The following FHIT variants were observed in gnomAD, a reference collection of about 807,000 sequenced individuals.
The protein encoded by FHIT is bis(5'-adenosyl)-triphosphatase.
A neutral mutation model predicts 17.9 loss-of-function variants in FHIT; 19 were observed. The observed-to-expected ratio is 1.06, with a 90% CI of 0.74 to 1.56. The LOEUF (loss-of-function observed/expected upper bound fraction) is 1.56. Among genes scored for constraint, FHIT ranks in the 40% most tolerant of loss-of-function variants. The probability of loss-of-function intolerance (pLI) is 0.00; values close to 1 mark genes in which losing one functional copy is unlikely to be tolerated. For missense variants in FHIT, 248 were observed against 189.2 expected, an observed-to-expected ratio of 1.31 and a Z score of -1.82; for synonymous variants, 81 against 69.7, an observed-to-expected ratio of 1.16 and a Z score of -0.81.
Position 60,127,304 on chromosome 3 carries a change from C to T in FHIT, c.104-113152G>A, listed in dbSNP as rs568493310. ...TGATTTCCACTTTGATCCCAGCCTA[C>T]GCATTTCTATCTCTGATATCTAAAT... On this transcript the variant is annotated intron_variant, in intron 5 of 9. Coordinates refer to ENST00000492590, the MANE Select transcript of FHIT (RefSeq NM_002012.4). 1.5e-3 allele frequency among the ~76,000 whole-genome samples: 223 copies of T among 152,310 alleles called. 1 individual carries two copies. The highest frequency in any genetic ancestry group is 2.1e-3 in the Non-Finnish European group (140 of 68,038).
rs183585621 is a variant in FHIT at position 61,204,283 on chromosome 3, C to A, written c.-212-3618G>T. Among the ~76,000 whole-genome samples the A allele has an allele frequency of 1.1e-3, 168 of 152,118 alleles. 2 individuals are homozygous for A. Among genetic ancestry groups the A allele is most frequent in the African/African-American group, 3.9e-3 (163 of 41,522 alleles). ...GGAATACGTGAGAGGAATGGGGGGGCTTCTGGAATATGGTAATGATCTGTT... is the reference window on the plus strand; with the variant it reads ...GGAATACGTGAGAGGAATGGGGGGGATTCTGGAATATGGTAATGATCTGTT... On this transcript the variant is annotated intron_variant, in intron 1 of 9. Transcript: ENST00000492590.
chr3:61,186,231 T>A (rs1028446398), intron 2 of FHIT, among the ~76,000 whole-genome samples: 1 of 152,192 alleles, frequency 6.6e-6, no homozygotes, highest in South Asian at 2.1e-4. Context: ...AAAAGCAGCA[T>A]TTATTAATAA....
At chr3:59,809,110 C>T (rs1222657528) in intron 8 of FHIT, among the ~76,000 whole-genome samples, 1 of 152,120 alleles carries the variant, frequency 6.6e-6, no homozygotes, top group East Asian at 1.9e-4. Context: ...AGTTAAGGAA[C>T]ACATACTGGG....
At chr3:61,157,180 G>C (rs968409121) in intron 2 of FHIT, among the ~76,000 whole-genome samples, 2 of 152,062 alleles carry the variant, frequency 1.3e-5, no homozygotes, top group Non-Finnish European at 2.9e-5. Flanking sequence ...TGTTGTAAGG[G>C]ATACATCTAT....
intron 5 of FHIT, among the ~76,000 whole-genome samples, chr3:60,019,538 C>A: frequency 6.6e-6 from 1 of 151,730 alleles, no homozygotes; most frequent in South Asian, 2.1e-4. Context: ...CCTGCCTCAG[C>A]CTCCCAAGTA....
At chr3:60,418,372 G>A (rs1212779657) in intron 5 of FHIT, among the ~76,000 whole-genome samples, 1 of 5,322 alleles carries the variant, frequency 1.9e-4, no homozygotes, top group Admixed American at 4.4e-3. Flanking sequence ...GTATCTGAAT[G>A]TGTGTATATA....
chr3:60,261,156 T>C (rs1163459174), intron 5 of FHIT, among the ~76,000 whole-genome samples: 1 of 151,994 alleles, frequency 6.6e-6, no homozygotes, highest in Non-Finnish European at 1.5e-5. Flanking sequence ...TATTTTGGAA[T>C]AAAAAAAGTA....
intron 3 of FHIT, among the ~76,000 whole-genome samples, chr3:60,947,611 A>G (rs1003767961): frequency 2.0e-5 from 3 of 152,218 alleles, no homozygotes; most frequent in Non-Finnish European, 4.4e-5. Context: ...TAACAAAATT[A>G]TTTTTGAAAA....
chr3:60,258,623 G>A (rs114932364), intron 5 of FHIT, among the ~76,000 whole-genome samples: 3,512 of 152,122 alleles, frequency 0.023, 62 homozygotes, highest in Middle Eastern at 0.082. Context: ...CATGGCTGAG[G>A]CACCTATAAC....
chr3:60,683,764 C>T (rs782025859), intron 4 of FHIT, among the ~76,000 whole-genome samples: 6 of 152,076 alleles, frequency 3.9e-5, no homozygotes, highest in Non-Finnish European at 8.8e-5. Context: ...ACTTACACTT[C>T]AAGAAATTCA....
At position 59,752,442 on chromosome 3, in the gene FHIT, T is replaced by G. The variant is rs149922198; in HGVS notation, c.349-121A>C. The G allele has an allele frequency of 4.7e-4, 288 of 611,982 alleles. 1 individual carries two copies. The highest frequency in any genetic ancestry group is 4.3e-3 in the African/African-American group (233 of 54,062). The allele number at this position is 611,982 out of a possible 1,614,324, so 37.9% of individuals were successfully genotyped here. On this transcript the variant is annotated intron_variant, in intron 8 of 9. Coordinates refer to ENST00000492590, the MANE Select transcript of FHIT (RefSeq NM_002012.4). The stretch of plus-strand genomic sequence containing the variant: ...AAATTAGAGGCCAGTAGGTGTATCT[T>G]TTAATTGTTTCAGTTGCTACAACTT...
chr3:60,852,145 C>A (rs1346683094), intron 3 of FHIT, among the ~76,000 whole-genome samples: 3 of 152,100 alleles, frequency 2.0e-5, no homozygotes, highest in African/African-American at 4.8e-5. Flanking sequence ...AAAAAGCTGA[C>A]CCTCATGCAA....
Position 60,905,211 on chromosome 3 carries a change from A to G in FHIT, c.-110-83200T>C, listed in dbSNP as rs546485305. ...TTCTGCAAACCGAAAACTCTTCTTA[A>G]CAAAAAAGTTGATCCAAAAAAAGTA... On this transcript the variant is annotated intron_variant, in intron 3 of 9. Coordinates refer to ENST00000492590, the MANE Select transcript of FHIT (RefSeq NM_002012.4). 3.8e-3 allele frequency among the ~76,000 whole-genome samples: 573 copies of G among 152,258 alleles called. 5 individuals carry two copies. Among genetic ancestry groups the G allele is most frequent in the African/African-American group, 0.013 (553 of 41,554 alleles).
At chr3:60,880,609 G>A (rs577268046) in intron 3 of FHIT, among the ~76,000 whole-genome samples, 2 of 152,330 alleles carry the variant, frequency 1.3e-5, no homozygotes, top group African/African-American at 4.8e-5. Context: ...GCACATGCCT[G>A]TAATCCCAGC....
intron 8 of FHIT, among the ~76,000 whole-genome samples, chr3:59,867,798 T>C (rs942348363): frequency 3.3e-5 from 5 of 151,998 alleles, no homozygotes; most frequent in African/African-American, 1.2e-4. Flanking sequence ...CAAAATCATC[T>C]CCCCACCTCC....
chr3:60,459,576 AG>A lies in FHIT; in HGVS notation c.103+77283del, dbSNP rs1478592782. On this transcript the variant is annotated intron_variant, in intron 5 of 9. Transcript: ENST00000492590. ...TTGAAACCACAATAAGCTGCCAAAA[AG>A]CATGGCTCATTTTGCTTTTTAACCA... Among the ~76,000 whole-genome samples, 20 of 152,340 alleles carry A rather than the reference AG, an allele frequency of 1.3e-4. No individual in the cohort carries two copies. In the East Asian group the frequency reaches 3.9e-3, roughly 29 times the overall value.
chr3:60,202,490 G>C (rs1456369237), intron 5 of FHIT, among the ~76,000 whole-genome samples: 2 of 152,132 alleles, frequency 1.3e-5, no homozygotes, highest in Non-Finnish European at 2.9e-5. Flanking sequence ...GGCACTAGTT[G>C]GCATTAATTT....
At chr3:60,367,422 G>T (rs6780146) in intron 5 of FHIT, among the ~76,000 whole-genome samples, 6 of 151,946 alleles carry the variant, frequency 3.9e-5, no homozygotes, top group Non-Finnish European at 8.8e-5. Context: ...TTTATTAAAC[G>T]GGAGTTTTTG....
At chr3:59,756,941 C>T (rs1458431320) in intron 8 of FHIT, among the ~76,000 whole-genome samples, 1 of 152,104 alleles carries the variant, frequency 6.6e-6, no homozygotes, top group Non-Finnish European at 1.5e-5. Flanking sequence ...AAAAGTGTGT[C>T]ATAGTTTAAT....
Sources: allele counts gnomAD v4.1 joint callset (sites outside exome capture counted in the v4.1 genomes callset), GRCh38; gene constraint gnomAD v4.1.1; transcripts MANE v1.5; gene names NCBI Gene and HGNC (gene_info 2026-07-23, HGNC 2026-07-21).